Variants in CMSS1 observed in about 807,000 individuals in gnomAD.
The protein encoded by CMSS1 is protein CMSS1.
Under a neutral mutation model 43.5 loss-of-function variants are expected in CMSS1, and 33 were observed. The observed-to-expected ratio is 0.76, with a 90% CI of 0.57 to 1.01. CMSS1 has a LOEUF of 1.01. CMSS1 is among the 50% of genes least tolerant of loss of function. The pLI is 0.00. For missense variants in CMSS1, 313 were observed against 326.4 expected (o/e 0.96, Z 0.32); for synonymous variants, 115 against 117.2 (o/e 0.98, Z 0.12).
chr3:99,980,140 T>G (rs986921290), intron 1 of CMSS1, among the ~76,000 whole-genome samples: 2 of 152,138 alleles, frequency 1.3e-5, no homozygotes, highest in Non-Finnish European at 2.9e-5. Flanking sequence ...TAGTGAGACA[T>G]GCAGTAGTAC....
chr3:99,818,724 C>T (rs923998253), intron 1 of CMSS1, among the ~76,000 whole-genome samples: 3 of 152,288 alleles, frequency 2.0e-5, no homozygotes, highest in African/African-American at 7.2e-5. Context: ...TGTCAAGTAA[C>T]TTGACAAGTT....
chr3:99,993,772 A>G (rs1709593571), intron 1 of CMSS1, among the ~76,000 whole-genome samples: 1 of 152,194 alleles, frequency 6.6e-6, no homozygotes, highest in Non-Finnish European at 1.5e-5. Context: ...GTGACATATC[A>G]TGTTTATTGA....
At chr3:99,925,946 C>T (rs747496871) in intron 1 of CMSS1, 44 of 925,506 alleles carry the variant, frequency 4.8e-5, no homozygotes, top group Non-Finnish European at 2.8e-5. Flanking sequence ...AGAGCTAACT[C>T]GGGATCTTTT....
At chr3:100,106,078 G>T (rs1198844054) in intron 1 of CMSS1, among the ~76,000 whole-genome samples, 6 of 152,122 alleles carry the variant, frequency 3.9e-5, no homozygotes, top group Admixed American at 3.9e-4. Flanking sequence ...CATATGTGCT[G>T]TGTATAGCAT....
chr3:99,947,356 A>C (rs1442527283), intron 1 of CMSS1, among the ~76,000 whole-genome samples: 2 of 152,118 alleles, frequency 1.3e-5, no homozygotes, highest in South Asian at 4.1e-4. Context: ...CCATACCATG[A>C]TATTTGATAG....
At chr3:100,016,845 C>A (rs755441460) in intron 1 of CMSS1, among the ~76,000 whole-genome samples, 3 of 152,204 alleles carry the variant, frequency 2.0e-5, no homozygotes, top group Non-Finnish European at 2.9e-5. Context: ...ATGCAGATTT[C>A]ATGACATCTT....
intron 1 of CMSS1, among the ~76,000 whole-genome samples, chr3:99,923,570 A>C (rs1707190566): frequency 6.6e-6 from 1 of 151,274 alleles, no homozygotes; most frequent in Non-Finnish European, 1.5e-5. Flanking sequence ...TCATGCGCAC[A>C]CCCCCCTCCC....
intron 1 of CMSS1, among the ~76,000 whole-genome samples, chr3:100,022,416 A>G (rs1023148126): frequency 3.3e-5 from 5 of 152,210 alleles, no homozygotes; most frequent in South Asian, 2.1e-4. Context: ...ACTCTGCTAC[A>G]GTATTCATTC....
chr3:99,977,639 A>G (rs1289078843), intron 1 of CMSS1, among the ~76,000 whole-genome samples: 1 of 152,234 alleles, frequency 6.6e-6, no homozygotes, highest in Non-Finnish European at 1.5e-5. Flanking sequence ...TACAGGCCCT[A>G]AAGTGTATAG....
intron 9 of CMSS1, among the ~76,000 whole-genome samples, chr3:100,177,751 G>A (rs779668589): frequency 5.3e-5 from 8 of 152,162 alleles, no homozygotes; most frequent in Non-Finnish European, 1.0e-4. Context: ...GGAGGCCAAG[G>A]TGGGAGGATT....
At chr3:99,966,946 TG>T (rs1371854403) in intron 1 of CMSS1, among the ~76,000 whole-genome samples, 1 of 152,168 alleles carries the variant, frequency 6.6e-6, no homozygotes, top group Admixed American at 6.5e-5. Flanking sequence ...ACTGAACCTC[TG>T]TACTGCCCCA....
At chr3:100,113,752 G>T (rs1398557686) in intron 1 of CMSS1, among the ~76,000 whole-genome samples, 1 of 152,010 alleles carries the variant, frequency 6.6e-6, no homozygotes, top group African/African-American at 2.4e-5. Context: ...TTTAATTTTT[G>T]ACTATCCATC....
At position 99,999,194 on chromosome 3, in the gene CMSS1, C is replaced by G. The variant is rs13320602; in HGVS notation, c.65-147779C>G. Among the ~76,000 whole-genome samples the G allele has an allele frequency of 5.0e-3, 760 of 152,156 alleles. 5 individuals are homozygous for G. The highest frequency in any genetic ancestry group is 0.017 in the African/African-American group (715 of 41,524). On this transcript the variant is annotated intron_variant, in intron 1 of 9. Coordinates refer to ENST00000421999, the MANE Select transcript of CMSS1 (RefSeq NM_032359.4). Reference sequence around the variant, plus strand: ...AGCAGCCTTTATTTTTTAATGATCTCTAGGTGAGGAAGCATATTTAAGCAA... The same window carrying G: ...AGCAGCCTTTATTTTTTAATGATCTGTAGGTGAGGAAGCATATTTAAGCAA...
chr3:100,123,164 T>C (rs1405663023), intron 1 of CMSS1, among the ~76,000 whole-genome samples: 9 of 152,236 alleles, frequency 5.9e-5, no homozygotes, highest in Admixed American at 2.0e-4. Context: ...GACAGAGAAC[T>C]GGGGGAGTGA....
chr3:99,992,918 G>T (rs1161908291), intron 1 of CMSS1, among the ~76,000 whole-genome samples: 1 of 152,044 alleles, frequency 6.6e-6, no homozygotes, highest in Non-Finnish European at 1.5e-5. Flanking sequence ...TTATTGAACA[G>T]GTTGTCATTT....
intron 1 of CMSS1, among the ~76,000 whole-genome samples, chr3:100,122,030 G>A (rs1190444172): frequency 2.0e-5 from 3 of 152,168 alleles, no homozygotes; most frequent in Non-Finnish European, 4.4e-5. Context: ...AAGAGACATG[G>A]AAAGATAAGA....
chr3:99,987,711 C>T (rs1482156494), intron 1 of CMSS1, among the ~76,000 whole-genome samples: 1 of 152,126 alleles, frequency 6.6e-6, no homozygotes, highest in East Asian at 1.9e-4. Flanking sequence ...AGTCCCAAGA[C>T]CTCAGTTATT....
chr3:100,127,319 G>T (rs537463278), intron 1 of CMSS1, among the ~76,000 whole-genome samples: 6 of 152,062 alleles, frequency 3.9e-5, no homozygotes, highest in Non-Finnish European at 8.8e-5. Context: ...CACTTCCCTC[G>T]AGAGCAGGGC....
intron 1 of CMSS1, among the ~76,000 whole-genome samples, chr3:100,062,599 G>A (rs190061047): frequency 2.0e-5 from 3 of 152,246 alleles, no homozygotes; most frequent in Non-Finnish European, 2.9e-5. Flanking sequence ...ATATGCATGG[G>A]CAATTAGAGC....
Sources: gnomAD v4.1 joint callset for allele counts (sites outside exome capture counted in the v4.1 genomes callset) on GRCh38, gnomAD v4.1.1 for gene constraint, MANE v1.5 for transcripts, NCBI Gene and HGNC (gene_info 2026-07-23, HGNC 2026-07-21) for gene names.